The following NCOR2 variants were observed in gnomAD, a reference collection of about 807,000 sequenced individuals.
NCOR2 encodes the protein CTG repeat protein 26.
Under a neutral mutation model 262.9 loss-of-function variants are expected in NCOR2, and 81 were observed. That is an observed-to-expected ratio of 0.31 (90% CI 0.26 to 0.37). The LOEUF is 0.37. Among genes scored for constraint, NCOR2 ranks in the 10% least tolerant of loss-of-function variants. The pLI is 1.00. For missense variants in NCOR2, 3,385 were observed against 3,621.4 expected (o/e 0.93, Z 1.68); for synonymous variants, 1,659 against 1,559.3 (o/e 1.06, Z -1.51).
At chr12:124,421,512 T>A (rs1631700) in intron 12 of NCOR2, among the ~76,000 whole-genome samples, 152,315 of 152,318 alleles carry the variant, frequency 1, 76,156 homozygotes, top group Middle Eastern at 1. Context: ...TTTTCCCCAC[T>A]CTGCTCGGTC....
rs2050750152 is a variant in NCOR2, at chr12:124,531,139, G to A, written c.-118+4426C>T. Among the ~76,000 whole-genome samples the A allele has an allele frequency of 6.6e-6, 1 of 152,180 alleles. No individual in the cohort carries two copies. Among genetic ancestry groups the A allele is most frequent in the African/African-American group, 2.4e-5 (1 of 41,436 alleles). On this transcript the variant is annotated intron_variant, in intron 1 of 46. Coordinates refer to the NCOR2 transcript ENST00000404621. This position sits in a 1 kb window ranked among gnomAD's most constrained non-coding sequence, Gnocchi z 4.5. ...CTGAGGACAACACAGGCACATGAGA[G>A]GTCATTTCAGGAGAAGGACGTCTGG...
At chr12:124,335,750 G>A (rs1441379296) in intron 38 of NCOR2, 118 bp from the exon 41 acceptor site, 1 of 1,221,218 alleles carries the variant, frequency 8.2e-7, no homozygotes, top group African/African-American at 1.5e-5. Flanking sequence ...ACCCAAGCTA[G>A]GGGTAGGGTT....
intron 1 of NCOR2, among the ~76,000 whole-genome samples, chr12:124,512,205 C>G (rs1373399131): frequency 2.0e-5 from 3 of 152,208 alleles, no homozygotes; most frequent in Non-Finnish European, 2.9e-5. Flanking sequence ...AGCCACCTCG[C>G]CCGGCCAACG....
chr12:124,450,499 T>C (rs1256827422), intron 6 of NCOR2, among the ~76,000 whole-genome samples: 2 of 152,076 alleles, frequency 1.3e-5, no homozygotes, highest in Non-Finnish European at 2.9e-5. Context: ...AGACGGGCGC[T>C]AGGATGTTCC....
At chr12:124,509,235 T>TGG (rs1555234131) in intron 1 of NCOR2, among the ~76,000 whole-genome samples, 7,908 of 51,994 alleles carry the variant, frequency 0.15, 912 homozygotes, top group African/African-American at 0.21. Flanking sequence ...CTGGCTTTGG[T>TGG]GGGGGGGGGG....
At chr12:124,458,001 G>C (rs2136565193) in intron 5 of NCOR2, among the ~76,000 whole-genome samples, 1 of 152,364 alleles carries the variant, frequency 6.6e-6, no homozygotes, top group African/African-American at 2.4e-5. Context: ...GAATTTGCGT[G>C]GGTTTGGGTG....
At chr12:124,562,127 G>A (rs1463465724) in intron 1 of NCOR2, 4 of 152,138 alleles carry the variant, frequency 2.6e-5, no homozygotes, top group Non-Finnish European at 5.9e-5. Flanking sequence ...CTGTGCCCTC[G>A]GGTTAAGTAG....
chr12:124,386,007 C>T, intron 16 of NCOR2, 120 bp from the exon 19 acceptor site: 1 of 1,258,894 alleles, frequency 7.9e-7, no homozygotes, highest in Middle Eastern at 2.3e-4. Flanking sequence ...GCTCCCTGCT[C>T]AGGCCCAGGA....
exon 40 of NCOR2, chr12:124,335,161 C>A: frequency 6.2e-7 from 1 of 1,612,052 alleles, no homozygotes; most frequent in African/African-American, 1.3e-5. Flanking sequence ...AGGGTGACCA[C>A]CCGCTGGTGA....
chr12:124,504,685 T>A lies in NCOR2; in HGVS notation c.-117-9317A>T, dbSNP rs370520209. ...GAAACAAACGCAGTCTGTCCATCAATGGACTACGATTCAGCCACGCAAAGG... is the reference window on the plus strand; with the variant it reads ...GAAACAAACGCAGTCTGTCCATCAAAGGACTACGATTCAGCCACGCAAAGG... On this transcript the variant is annotated intron_variant, in intron 1 of 46. Transcript: ENST00000404621. This position sits in a 1 kb window ranked among gnomAD's most constrained non-coding sequence, Gnocchi z 4.5. 6.6e-6 allele frequency among the ~76,000 whole-genome samples: 1 copy of A among 152,352 alleles called. No homozygotes were observed. The highest frequency in any genetic ancestry group is 1.9e-4 in the East Asian group (1 of 5,184).
intron 37 of NCOR2, among the ~76,000 whole-genome samples, chr12:124,339,207 G>T (rs2036177797): frequency 1.2e-5 from 1 of 81,174 alleles, no homozygotes; most frequent in Non-Finnish European, 2.4e-5. Context: ...TACCTAACCC[G>T]ATCTACCTAC....
chr12:124,532,715 C>CGATGG (rs1295280670), intron 1 of NCOR2, among the ~76,000 whole-genome samples: 1 of 152,146 alleles, frequency 6.6e-6, no homozygotes, highest in African/African-American at 2.4e-5. Context: ...ACGGAGACGC[C>CGATGG]GATGGACGGG....
At chr12:124,494,227 A>G (rs2342926) in intron 1 of NCOR2, among the ~76,000 whole-genome samples, 29,058 of 151,936 alleles carry the variant, frequency 0.19, 3,017 homozygotes, top group Non-Finnish European at 0.23. Flanking sequence ...ACAGACACAC[A>G]CACACACGCA....
At chr12:124,509,670 G>A (rs560979702) in intron 1 of NCOR2, among the ~76,000 whole-genome samples, 2 of 152,260 alleles carry the variant, frequency 1.3e-5, no homozygotes, top group African/African-American at 4.8e-5. Context: ...TCAGTGTAGG[G>A]GGAAGGGGCC....
chr12:124,405,475 C>CTTCCTGTGGCCT (rs1193970880), intron 13 of NCOR2, among the ~76,000 whole-genome samples: 2 of 152,256 alleles, frequency 1.3e-5, no homozygotes, highest in Non-Finnish European at 2.9e-5. Flanking sequence ...AGGCTCCTCA[C>CTTCCTGTGGCCT]TTCCTGTGGC....
chr12:124,496,493 G>A (rs554049060), upstream of NCOR2, among the ~76,000 whole-genome samples: 36 of 152,238 alleles, frequency 2.4e-4, no homozygotes, highest in South Asian at 6.0e-3. The surrounding 1 kb of genome is among the most constrained non-coding windows in gnomAD (Gnocchi z 4.4). Flanking sequence ...TCCAGTGGCG[G>A]AGGACTGAGG....
At chr12:124,434,812 T>A (rs2136388088) in intron 8 of NCOR2, among the ~76,000 whole-genome samples, 1 of 152,238 alleles carries the variant, frequency 6.6e-6, no homozygotes, top group Middle Eastern at 3.4e-3. Context: ...TTTCCAATAG[T>A]GCAACAACAA....
intron 37 of NCOR2, 62 bp downstream of exon 39, chr12:124,339,944 T>C: frequency 8.3e-7 from 1 of 1,211,600 alleles, no homozygotes; most frequent in Non-Finnish European, 1.1e-6. Flanking sequence ...TCTTATCTGC[T>C]CATCCTCCTA....
intron 13 of NCOR2, among the ~76,000 whole-genome samples, chr12:124,405,511 T>A (rs1236616899): frequency 6.6e-6 from 1 of 152,176 alleles, no homozygotes; most frequent in East Asian, 1.9e-4. Context: ...GGGAGAGGCA[T>A]CCCTGCAGCC....
Sources: gnomAD v4.1 joint callset for allele counts (sites outside exome capture counted in the v4.1 genomes callset) on GRCh38, gnomAD v4.1.1 for gene constraint, Gnocchi (gnomAD v3.1) non-coding constraint, MANE v1.5 for transcripts, NCBI Gene and HGNC (gene_info 2026-07-23, HGNC 2026-07-21) for gene names.